LHFPL3: variants seen among roughly 807,000 people sequenced by gnomAD.
LHFPL3 encodes the protein LHFPL tetraspan subfamily member 3 protein.
A neutral mutation model predicts 19.3 loss-of-function variants in LHFPL3; 5 were observed. The observed-to-expected ratio is 0.26, with a 90% confidence interval of 0.14 to 0.54. The LOEUF is 0.54. LHFPL3 is among the 20% of genes least tolerant of loss of function. The pLI, the probability that LHFPL3 is intolerant of heterozygous loss-of-function variation, is 0.94. For synonymous variants in LHFPL3, 133 were observed against 126.2 expected (o/e 1.05, Z -0.36); for missense variants, 249 against 307.4 (o/e 0.81, Z 1.42).
intron 2 of LHFPL3, among the ~76,000 whole-genome samples, chr7:104,795,737 G>A (rs1790110556): frequency 6.6e-6 from 1 of 152,088 alleles, no homozygotes; most frequent in African/African-American, 2.4e-5. Flanking sequence ...AACTCCACAT[G>A]TCCAGTCACA....
intron 1 of LHFPL3, among the ~76,000 whole-genome samples, chr7:104,482,306 T>C (rs775667862): frequency 6.6e-6 from 1 of 152,238 alleles, no homozygotes; most frequent in Non-Finnish European, 1.5e-5. Flanking sequence ...ACCAAATCAC[T>C]TGGCTTGGGC....
intron 1 of LHFPL3, among the ~76,000 whole-genome samples, chr7:104,345,963 T>C (rs2116377230): frequency 6.6e-6 from 1 of 152,304 alleles, no homozygotes; most frequent in South Asian, 2.1e-4. Context: ...TTGTCTTTTT[T>C]CTTACTTCTA....
chr7:104,522,641 C>G (rs1794093807), intron 1 of LHFPL3, among the ~76,000 whole-genome samples: 1 of 152,022 alleles, frequency 6.6e-6, no homozygotes, highest in Non-Finnish European at 1.5e-5. Context: ...AACCTAAAAT[C>G]CAGCTGAACA....
At chr7:104,868,117 A>G (rs1358749439) in intron 2 of LHFPL3, among the ~76,000 whole-genome samples, 1 of 152,208 alleles carries the variant, frequency 6.6e-6, no homozygotes, top group Non-Finnish European at 1.5e-5. Context: ...CCCACAGCCA[A>G]TATCATACTG....
chr7:104,579,612 A>T (rs1414325575), intron 1 of LHFPL3, among the ~76,000 whole-genome samples: 1 of 152,196 alleles, frequency 6.6e-6, no homozygotes, highest in East Asian at 1.9e-4. Flanking sequence ...CCAATCAGTG[A>T]ACATTAGCCA....
intron 1 of LHFPL3, among the ~76,000 whole-genome samples, chr7:104,731,221 G>C (rs890393458): frequency 6.6e-6 from 1 of 151,624 alleles, no homozygotes; most frequent in Non-Finnish European, 1.5e-5. Flanking sequence ...TTGACTTGGC[G>C]ATGTGGGCTC....
At chr7:104,858,095 G>T (rs1331084797) in intron 2 of LHFPL3, among the ~76,000 whole-genome samples, 1 of 152,104 alleles carries the variant, frequency 6.6e-6, no homozygotes, top group African/African-American at 2.4e-5. Flanking sequence ...AACATTACAG[G>T]TGTTTCAGGA....
At chr7:104,592,933 A>G (rs1584424729) in intron 1 of LHFPL3, among the ~76,000 whole-genome samples, 1 of 152,168 alleles carries the variant, frequency 6.6e-6, no homozygotes, top group South Asian at 2.1e-4. Context: ...CCGGTGTGCC[A>G]TTTGCTAAGA....
At position 104,667,155 on chromosome 7, in the gene LHFPL3, G is replaced by T. The variant is rs191958148; in HGVS notation, c.446-69520G>T. ...TTTTCTCTGCATCCTCACCAGCATG[G>T]TTTTTTTTTCTTTTTAATAATAGCC... is the stretch of plus-strand genomic sequence containing the variant. On this transcript the variant is annotated intron_variant, in intron 1 of 2. Transcript: ENST00000424859. Among the ~76,000 whole-genome samples the T allele has an allele frequency of 4.5e-3, 684 of 150,404 alleles. 12 individuals carry two copies. Among genetic ancestry groups the T allele is most frequent in the Non-Finnish European group, 4.2e-3 (282 of 67,596 alleles).
intron 1 of LHFPL3, among the ~76,000 whole-genome samples, chr7:104,589,812 G>A (rs551041876): frequency 1.6e-4 from 25 of 152,288 alleles, no homozygotes; most frequent in African/African-American, 5.5e-4. Context: ...TCTATTCAGG[G>A]ATTCAGTTTC....
At chr7:104,688,786 AG>A (rs1409570724) in intron 1 of LHFPL3, among the ~76,000 whole-genome samples, 1 of 152,184 alleles carries the variant, frequency 6.6e-6, no homozygotes, top group East Asian at 1.9e-4. Flanking sequence ...TGTGGCCCAC[AG>A]GAAGTTGTGC....
At chr7:104,525,629 T>C in intron 1 of LHFPL3, among the ~76,000 whole-genome samples, 1 of 147,908 alleles carries the variant, frequency 6.8e-6, no homozygotes, top group Admixed American at 6.7e-5. Flanking sequence ...TTTTTTGAGA[T>C]GGAGTCTCAC....
chr7:104,453,381 G>T (rs1792478221), intron 1 of LHFPL3, among the ~76,000 whole-genome samples: 1 of 152,114 alleles, frequency 6.6e-6, no homozygotes, highest in Non-Finnish European at 1.5e-5. Flanking sequence ...TTTGCTAACT[G>T]GTGCTAAGGG....
chr7:104,784,307 C>G (rs908445894), intron 2 of LHFPL3, among the ~76,000 whole-genome samples: 5 of 152,182 alleles, frequency 3.3e-5, no homozygotes, highest in Non-Finnish European at 7.3e-5. Context: ...CAGGAAAGAA[C>G]TGAATTCAAG....
At chr7:104,430,458 T>A (rs56360273) in intron 1 of LHFPL3, among the ~76,000 whole-genome samples, 181 of 14,352 alleles carry the variant, frequency 0.013, 1 homozygote, top group South Asian at 0.016. Context: ...ATATATATTT[T>A]TTTTTTTTTT....
At chr7:104,833,041 A>ATTATATATAATAGATATATATATC (rs1198175943) in intron 2 of LHFPL3, among the ~76,000 whole-genome samples, 2 of 5,662 alleles carry the variant, frequency 3.5e-4, no homozygotes, top group South Asian at 2.7e-3. Flanking sequence ...TTATATATAT[A>ATTATATATAATAGATATATATATC]TATTATATAT....
intron 1 of LHFPL3, among the ~76,000 whole-genome samples, chr7:104,528,083 AAAATT>A (rs1489379187): frequency 6.6e-6 from 1 of 152,234 alleles, no homozygotes; most frequent in African/African-American, 2.4e-5. Flanking sequence ...TGGAAGGCGA[AAAATT>A]AAATTAATAG....
chr7:104,665,996 C>G (rs1476796042), intron 1 of LHFPL3, among the ~76,000 whole-genome samples: 1 of 152,268 alleles, frequency 6.6e-6, no homozygotes, highest in South Asian at 2.1e-4. Context: ...TTTACAAATC[C>G]TATTTACAAT....
chr7:104,672,857 C>T (rs1792511967), intron 1 of LHFPL3, among the ~76,000 whole-genome samples: 1 of 152,092 alleles, frequency 6.6e-6, no homozygotes, highest in African/African-American at 2.4e-5. Flanking sequence ...CATGTTGCTG[C>T]CATGCTCTTG....
Sources: allele counts gnomAD v4.1 joint callset (sites outside exome capture counted in the v4.1 genomes callset), GRCh38; gene constraint gnomAD v4.1.1; transcripts MANE v1.5; gene names NCBI Gene and HGNC (gene_info 2026-07-23, HGNC 2026-07-21).